HECW1: variants seen among roughly 807,000 people sequenced by gnomAD.
HECW1 encodes E3 ubiquitin-protein ligase HECW1.
HECW1 carries 61 observed loss-of-function variants against 182.3 expected under a neutral mutation model. The ratio of observed to expected loss-of-function variants is 0.33; its 90% CI spans 0.27 to 0.41. HECW1 has a LOEUF of 0.41. HECW1 is among the 10% of genes least tolerant of loss of function. The pLI is 1.00. For synonymous variants in HECW1, 859 were observed against 832.6 expected, an observed-to-expected ratio of 1.03 and a Z score of -0.55; for missense variants, 1,739 against 2,108.9, an observed-to-expected ratio of 0.82 and a Z score of 3.44.
At chr7:43,479,769 A>G (rs2078354127) in intron 17 of HECW1, 25 bp downstream of exon 17, 9 of 1,613,228 alleles carry the variant, frequency 5.6e-6, no homozygotes, top group Non-Finnish European at 6.8e-6. Flanking sequence ...ACCCCGCCCT[A>G]CTGTTCACCG....
rs2082249965 is a variant in HECW1 at position 43,562,989 on chromosome 7, T to C, written c.*1063T>C. The C allele has an allele frequency of 4.9e-6, 1 of 203,124 alleles. No homozygotes were observed. The highest frequency in any genetic ancestry group is 1.0e-5 in the Non-Finnish European group (1 of 98,500). The allele number at this position is 203,124 out of a possible 1,614,324, so 12.6% of individuals were successfully genotyped here. The stretch of plus-strand genomic sequence containing the variant: ...CAGACAAACCCTTTTTTTAAAACTT[T>C]GATATTTTTTTTTCACATTTTTTTT... On this transcript the variant is annotated 3_prime_UTR_variant, in exon 30 of 30. Coordinates refer to ENST00000395891, the MANE Select transcript of HECW1 (RefSeq NM_015052.5).
chr7:43,345,523 G>T (rs1813565500), intron 5 of HECW1, among the ~76,000 whole-genome samples: 1 of 151,882 alleles, frequency 6.6e-6, no homozygotes, highest in Admixed American at 6.6e-5. Flanking sequence ...AGATTTTGAT[G>T]TACCCATCAC....
At chr7:43,492,312 T>C (rs897746856) in intron 18 of HECW1, 132 bp downstream of exon 18, 4 of 651,912 alleles carry the variant, frequency 6.1e-6, no homozygotes, top group Non-Finnish European at 1.1e-5. Flanking sequence ...TCTCCTCTTT[T>C]AGGATATAGT....
chr7:43,543,781 C>CAAAAAAAAAAA (rs35618213), intron 26 of HECW1, among the ~76,000 whole-genome samples: 2 of 49,606 alleles, frequency 4.0e-5, no homozygotes, highest in East Asian at 5.8e-4. Context: ...CTCCATCTCA[C>CAAAAAAAAAAA]AAAAAAAAAA....
chr7:43,210,994 C>T (rs1795961126), intron 2 of HECW1, among the ~76,000 whole-genome samples: 1 of 152,202 alleles, frequency 6.6e-6, no homozygotes, highest in South Asian at 2.1e-4. Flanking sequence ...CCGATGCCGG[C>T]TGGAATGCCT....
At chr7:43,470,752 CACAT>C (rs1464796716) in intron 16 of HECW1, among the ~76,000 whole-genome samples, 1 of 152,046 alleles carries the variant, frequency 6.6e-6, no homozygotes. Flanking sequence ...CACACACACA[CACAT>C]AAATGGTCTC....
Position 43,112,725 on chromosome 7 carries a change from G to T in HECW1, c.-479G>T, listed in dbSNP as rs1784714885. The T allele has an allele frequency of 8.7e-6, 2 of 230,888 alleles. No individual in the cohort carries two copies. Among genetic ancestry groups the T allele is most frequent in the Non-Finnish European group, 1.7e-5 (2 of 116,502 alleles). The allele number at this position is 230,888 out of a possible 1,614,324, so 14.3% of individuals were successfully genotyped here. On this transcript the variant is annotated 5_prime_UTR_variant, in exon 1 of 30. Transcript: ENST00000395891. ...CCCCCTCCTCGCGCACACACTCGCC[G>T]AGCCGCGCGCGCCCCTCCGCCGTGA...
chr7:43,296,447 C>G (rs1272337768), intron 3 of HECW1, among the ~76,000 whole-genome samples: 1 of 152,120 alleles, frequency 6.6e-6, no homozygotes, highest in Non-Finnish European at 1.5e-5. Context: ...CTAGTGGTGA[C>G]AGTGAGGCCC....
chr7:43,290,206 G>T (rs1226232978), intron 3 of HECW1, among the ~76,000 whole-genome samples: 3 of 152,106 alleles, frequency 2.0e-5, no homozygotes, highest in African/African-American at 7.2e-5. Context: ...AGCTTTGCAG[G>T]GCCATTTCAA....
At chr7:43,517,432 G>A (rs1226820202) in intron 24 of HECW1, among the ~76,000 whole-genome samples, 1 of 152,008 alleles carries the variant, frequency 6.6e-6, no homozygotes, top group Non-Finnish European at 1.5e-5. Flanking sequence ...TTAGCAAGGG[G>A]AAGTGGGGGA....
rs17209332 is a variant in HECW1 at position 43,525,184 on chromosome 7, G to T, written c.4020-15979G>T. Among the ~76,000 whole-genome samples, 38 of 152,174 alleles carry T rather than the reference G, an allele frequency of 2.5e-4. 2 individuals carry two copies. The highest frequency in any genetic ancestry group is 1.9e-4 in the East Asian group (1 of 5,178). ...GTAACAATATCAAGCCCAATAATCG[G>T]TCGGAATATGTGGTCAGCATCATGG... On this transcript the variant is annotated intron_variant, in intron 24 of 29. Transcript: ENST00000395891.
intron 6 of HECW1, among the ~76,000 whole-genome samples, chr7:43,362,415 G>A (rs1015595162): frequency 1.3e-5 from 2 of 152,148 alleles, no homozygotes; most frequent in Non-Finnish European, 2.9e-5. Context: ...GAGAGGGAGA[G>A]GCACATGTGC....
intron 13 of HECW1, among the ~76,000 whole-genome samples, chr7:43,461,319 C>T: frequency 6.6e-6 from 1 of 152,212 alleles, no homozygotes; most frequent in Non-Finnish European, 1.5e-5. Context: ...CACCTCAGAG[C>T]ATGGCTGCTA....
intron 5 of HECW1, among the ~76,000 whole-genome samples, chr7:43,341,306 T>C (rs1812959120): frequency 7.6e-6 from 1 of 132,438 alleles, no homozygotes; most frequent in South Asian, 2.6e-4. Context: ...ACTTACAGTA[T>C]TATAAATAAA....
intron 3 of HECW1, among the ~76,000 whole-genome samples, chr7:43,305,612 G>T (rs1187299144): frequency 1.3e-5 from 2 of 150,142 alleles, no homozygotes; most frequent in Non-Finnish European, 2.9e-5. Context: ...TGTTGTTGTT[G>T]TTTGTTGTTT....
At chr7:43,237,136 AGGAAGTAGGTAGGTAG>A (rs1381893644) in intron 2 of HECW1, among the ~76,000 whole-genome samples, 102 of 146,660 alleles carry the variant, frequency 7.0e-4, no homozygotes, top group East Asian at 1.0e-3. Flanking sequence ...GAAGGAAGGA[AGGAAGTAGGTAGGTAG>A]GTAGGTAGGT....
intron 26 of HECW1, among the ~76,000 whole-genome samples, chr7:43,549,036 T>G (rs979289770): frequency 6.6e-6 from 1 of 152,190 alleles, no homozygotes; most frequent in African/African-American, 2.4e-5. Context: ...GTAGGCCCCC[T>G]GCACTCTTAG....
intron 17 of HECW1, among the ~76,000 whole-genome samples, chr7:43,489,137 T>G (rs945876222): frequency 1.3e-5 from 2 of 152,194 alleles, no homozygotes; most frequent in Admixed American, 1.3e-4. Context: ...AAATGTTTCC[T>G]GAGTCCAGTG....
In HECW1 at chr7:43,290,539, G is replaced by A. The variant is rs75511379; in HGVS notation, c.28-21224G>A. 9.8e-3 allele frequency among the ~76,000 whole-genome samples: 1,494 copies of A among 152,296 alleles called. 17 individuals are homozygous for A. Among genetic ancestry groups the A allele is most frequent in the African/African-American group, 0.031 (1,308 of 41,556 alleles). Reference sequence around the variant, plus strand: ...TCCAGAAGGGAGGGGGTATAACGAGGCATGTCTGGCCTCCCTTCTTGTCAT... The same window carrying A: ...TCCAGAAGGGAGGGGGTATAACGAGACATGTCTGGCCTCCCTTCTTGTCAT... On this transcript the variant is annotated intron_variant, in intron 3 of 29. Transcript: ENST00000395891.
Sources: allele counts gnomAD v4.1 joint callset (sites outside exome capture counted in the v4.1 genomes callset), GRCh38; gene constraint gnomAD v4.1.1; transcripts MANE v1.5; gene names NCBI Gene and HGNC (gene_info 2026-07-23, HGNC 2026-07-21).